The following NRG1 variants were observed in gnomAD, a reference collection of about 807,000 sequenced individuals.
The protein encoded by NRG1 is neuregulin 1.
NRG1 carries 18 observed loss-of-function variants against 63.8 expected under a neutral mutation model. The ratio of observed to expected loss-of-function variants is 0.28; its 90% confidence interval spans 0.19 to 0.42. The LOEUF (loss-of-function observed/expected upper bound fraction) is 0.42. Ranked by LOEUF, NRG1 falls within the 10% of genes least tolerant of loss-of-function variation. The probability of loss-of-function intolerance (pLI) is 1.00; values close to 1 mark genes in which losing one functional copy is unlikely to be tolerated. For missense variants in NRG1, 762 were observed against 814.7 expected (o/e 0.94, Z 0.79); for synonymous variants, 302 against 301.3 (o/e 1.00, Z -0.02).
At chr8:32,277,212 C>T (rs887082581) in intron 1 of NRG1, among the ~76,000 whole-genome samples, 6 of 152,130 alleles carry the variant, frequency 3.9e-5, no homozygotes, top group Middle Eastern at 3.4e-3. Flanking sequence ...AACTTGAGCT[C>T]GCATTACAAA....
At chr8:31,858,133 A>G (rs947383075) in intron 1 of NRG1, among the ~76,000 whole-genome samples, 6 of 152,184 alleles carry the variant, frequency 3.9e-5, no homozygotes, top group African/African-American at 1.4e-4. Flanking sequence ...CCCTGTCTGT[A>G]CTAAAAATAT....
intron 1 of NRG1, among the ~76,000 whole-genome samples, chr8:32,392,889 G>A (rs1293324892): frequency 3.6e-5 from 4 of 112,568 alleles, no homozygotes; most frequent in South Asian, 2.7e-4. Context: ...TGCTCAAGTG[G>A]AGGGGTAGAG....
At chr8:32,727,893 G>T (rs1233703619) in intron 5 of NRG1, 56 bp from the exon 6 acceptor site, 40 of 1,564,718 alleles carry the variant, frequency 2.6e-5, no homozygotes, top group Non-Finnish European at 3.4e-5. Flanking sequence ...ATTAAAGGCT[G>T]CTTAGAAGGG....
intron 1 of NRG1, among the ~76,000 whole-genome samples, chr8:31,860,124 G>A (rs977826302): frequency 1.8e-4 from 28 of 152,196 alleles, no homozygotes; most frequent in African/African-American, 6.8e-4. Context: ...CTGAGAGAGA[G>A]CTTCCATATA....
chr8:31,705,901 T>A (rs1811103321), intron 1 of NRG1, among the ~76,000 whole-genome samples: 1 of 152,220 alleles, frequency 6.6e-6, no homozygotes, highest in Non-Finnish European at 1.5e-5. Context: ...TATGAGCTTC[T>A]GGGAACAATG....
chr8:32,472,949 G>A (rs970243713), intron 1 of NRG1, among the ~76,000 whole-genome samples: 6 of 152,190 alleles, frequency 3.9e-5, no homozygotes, highest in African/African-American at 1.4e-4. Context: ...TAGTATTTTC[G>A]CTATGTGTTT....
intron 1 of NRG1, among the ~76,000 whole-genome samples, chr8:32,475,191 G>A (rs62500187): frequency 0.18 from 27,977 of 151,984 alleles, 3,030 homozygotes; most frequent in South Asian, 0.3. Flanking sequence ...ACTTGGCCAG[G>A]CACGCTGGCT....
chr8:31,672,331 G>A (rs915764436), intron 1 of NRG1, among the ~76,000 whole-genome samples: 3 of 152,130 alleles, frequency 2.0e-5, no homozygotes, highest in African/African-American at 7.2e-5. Context: ...AGAGAGTTCT[G>A]ATATTGGCAG....
chr8:32,228,627 G>A (rs1247085817), intron 1 of NRG1, among the ~76,000 whole-genome samples: 3 of 152,016 alleles, frequency 2.0e-5, no homozygotes, highest in East Asian at 3.9e-4. Flanking sequence ...TCAGTAAATC[G>A]ATTTTCCTCA....
At chr8:32,174,813 G>A (rs868769187) in intron 1 of NRG1, among the ~76,000 whole-genome samples, 1 of 151,956 alleles carries the variant, frequency 6.6e-6, no homozygotes, top group South Asian at 2.1e-4. Context: ...AGACCAATAA[G>A]AGGCTCTGAA....
chr8:32,691,874 A>C (rs1811780526), intron 5 of NRG1, among the ~76,000 whole-genome samples: 1 of 152,108 alleles, frequency 6.6e-6, no homozygotes, highest in Admixed American at 6.5e-5. Context: ...TTCTGCCTTG[A>C]TAATTAAAAG....
rs899602373 is a variant in NRG1 at position 31,760,970 on chromosome 8, G to A, written c.37+121539G>A. ...TTACTGGGTATATACCCAAAGGACT[G>A]TAAATCATGCTGCTATAAAGACACA... On this transcript the variant is annotated intron_variant, in intron 1 of 10. Coordinates refer to the NRG1 transcript ENST00000519301. 8.9e-3 allele frequency among the ~76,000 whole-genome samples: 1,357 copies of A among 152,130 alleles called. 21 individuals are homozygous for A. Among genetic ancestry groups the A allele is most frequent in the African/African-American group, 0.031 (1,283 of 41,472 alleles).
intron 5 of NRG1, among the ~76,000 whole-genome samples, chr8:32,626,567 C>T (rs1304898635): frequency 6.6e-6 from 1 of 151,878 alleles, no homozygotes; most frequent in Non-Finnish European, 1.5e-5. Context: ...GTAGTCCCAG[C>T]TACTGGGGAG....
intron 1 of NRG1, among the ~76,000 whole-genome samples, chr8:32,423,838 A>C (rs574020088): frequency 2.0e-5 from 3 of 152,140 alleles, no homozygotes; most frequent in African/African-American, 7.2e-5. Flanking sequence ...TTTCAAGATT[A>C]TCTACTCTAA....
At chr8:32,535,291 C>T (rs186073167) in intron 1 of NRG1, among the ~76,000 whole-genome samples, 21 of 152,262 alleles carry the variant, frequency 1.4e-4, no homozygotes, top group Middle Eastern at 3.4e-3. Flanking sequence ...TCCTTAGGAA[C>T]ATGTACATAT....
chr8:32,731,706 A>G lies in NRG1; in HGVS notation c.632+3628A>G, dbSNP rs557911153. 4.6e-5 allele frequency among the ~76,000 whole-genome samples: 7 copies of G among 152,350 alleles called. No homozygotes were observed. The South Asian group carries it at 1.0e-3, about 23-fold the overall frequency. On this transcript the variant is annotated intron_variant, in intron 6 of 11. Transcript: ENST00000356819. ...CACTAGTCAGAATTTAAACAAAGAC[A>G]TAATATACTAGGTCTTATGATAATA...
chr8:32,091,147 G>A (rs7014385), intron 1 of NRG1, among the ~76,000 whole-genome samples: 6 of 151,980 alleles, frequency 3.9e-5, no homozygotes, highest in East Asian at 1.9e-4. Flanking sequence ...GCATAGTGGC[G>A]GGTGCCTGTA....
intron 11 of NRG1, among the ~76,000 whole-genome samples, chr8:32,761,962 C>T (rs1227354063): frequency 6.7e-6 from 1 of 149,086 alleles, no homozygotes; most frequent in Non-Finnish European, 1.5e-5. Context: ...TTGCTTGAAC[C>T]CAGGAGGTGG....
intron 1 of NRG1, among the ~76,000 whole-genome samples, chr8:31,826,369 C>G (rs1427945187): frequency 6.6e-6 from 1 of 152,094 alleles, no homozygotes; most frequent in Non-Finnish European, 1.5e-5. Context: ...CTGTGCTGTT[C>G]TCGTGATAGT....
Sources: gnomAD v4.1 joint callset for allele counts (sites outside exome capture counted in the v4.1 genomes callset) on GRCh38, gnomAD v4.1.1 for gene constraint, MANE v1.5 for transcripts, NCBI Gene and HGNC (gene_info 2026-07-23, HGNC 2026-07-21) for gene names.